The following GPR35 variants were observed in gnomAD, a reference collection of about 807,000 sequenced individuals.
The protein encoded by GPR35 is G protein-coupled receptor 35.
For synonymous variants in GPR35, 207 were observed against 198.4 expected, an observed-to-expected ratio of 1.04 and a Z score of -0.36; for missense variants, 372 against 422.5, an observed-to-expected ratio of 0.88 and a Z score of 1.05.
rs554135578 is a variant in GPR35 at position 240,632,964 on chromosome 2, G to A, written c.*2082G>A. On this transcript the variant is annotated 3_prime_UTR_variant, in exon 2 of 2. Transcript: ENST00000407714. The stretch of plus-strand genomic sequence containing the variant: ...TCATGGGGGCTGTTTCCCACATGCT[G>A]TTCTCATGATAGTGAGTGAGTTCTC... 1.5e-4 allele frequency among the ~76,000 whole-genome samples: 23 copies of A among 152,344 alleles called. 1 individual carries two copies. The highest frequency in any genetic ancestry group is 5.5e-4 in the African/African-American group (23 of 41,576).
chr2:240,625,236 G>C, upstream of GPR35: 29 of 983,940 alleles, frequency 2.9e-5, no homozygotes, highest in Non-Finnish European at 3.4e-5. Context: ...TGTCTCTCAC[G>C]CTGTTTCCAG....
At chr2:240,620,441 G>A (rs1216457252) in intron 5 of GPR35, among the ~76,000 whole-genome samples, 1 of 152,168 alleles carries the variant, frequency 6.6e-6, no homozygotes, top group Non-Finnish European at 1.5e-5. Flanking sequence ...AGGCTCCACT[G>A]TGAGGGTGCC....
At chr2:240,612,531 G>T (rs1260998634) in intron 2 of GPR35, among the ~76,000 whole-genome samples, 1 of 152,064 alleles carries the variant, frequency 6.6e-6, no homozygotes. Context: ...TGGGCTCTAG[G>T]GACATGGGAG....
At chr2:240,629,683 C>G in intron 1 of GPR35, 1 of 404,042 alleles carries the variant, frequency 2.5e-6, no homozygotes, top group Admixed American at 3.9e-5. Context: ...CTCCTTCTGC[C>G]TCCTTTCCTG....
At chr2:240,614,165 C>A (rs946381399) in intron 2 of GPR35, among the ~76,000 whole-genome samples, 14 of 152,116 alleles carry the variant, frequency 9.2e-5, no homozygotes, top group African/African-American at 3.4e-4. Flanking sequence ...CTAACCCTAA[C>A]TCCAACCCAA....
Position 240,625,513 on chromosome 2 carries a change from C to G in GPR35, c.-60C>G. ...CAGCCCTTCTCAGACAGCCACTGTG[C>G]AGGCTTTGGCAGCGGGGGTCACACA... is the stretch of plus-strand genomic sequence containing the variant. On this transcript the variant is annotated 5_prime_UTR_variant, in exon 1 of 2. Transcript: ENST00000407714. 1 of 985,982 alleles carries G rather than the reference C, an allele frequency of 1.0e-6. No homozygotes were observed. Among genetic ancestry groups the G allele is most frequent in the Non-Finnish European group, 1.2e-6 (1 of 830,344 alleles). 61.1% of individuals were successfully genotyped at this position (985,982 alleles called of 1,614,324 possible).
exon 4 of GPR35, chr2:240,617,284 C>G: frequency 1.4e-6 from 1 of 711,708 alleles, no homozygotes; most frequent in Admixed American, 2.0e-5. Flanking sequence ...ACCTGGATTG[C>G]AGACTCATGA....
At chr2:240,623,338 G>A (rs570554175), upstream of GPR35, among the ~76,000 whole-genome samples, 63 of 144,648 alleles carry the variant, frequency 4.4e-4, no homozygotes, top group Non-Finnish European at 7.6e-4. Flanking sequence ...GCGCAAACAG[G>A]TCGTGAGGGC....
At chr2:240,623,383 G>A (rs1475786027), upstream of GPR35, among the ~76,000 whole-genome samples, 3 of 120,984 alleles carry the variant, frequency 2.5e-5, no homozygotes, top group Non-Finnish European at 3.7e-5. Flanking sequence ...CAGGTCGTGA[G>A]GGCGCAAACA....
chr2:240,613,587 A>G (rs2043207158), intron 2 of GPR35, among the ~76,000 whole-genome samples: 1 of 152,046 alleles, frequency 6.6e-6, no homozygotes. Flanking sequence ...CCATAACCCT[A>G]AAATTCAGGC....
chr2:240,623,386 C>CAAACAGGTCATGAGGGT (rs2043325825), upstream of GPR35, among the ~76,000 whole-genome samples: 2 of 60,730 alleles, frequency 3.3e-5, no homozygotes, highest in Non-Finnish European at 8.0e-5. Context: ...GTCGTGAGGG[C>CAAACAGGTCATGAGGGT]GCAAACAGGT....
At chr2:240,626,852 G>A (rs1393995121) in intron 1 of GPR35, among the ~76,000 whole-genome samples, 1 of 152,184 alleles carries the variant, frequency 6.6e-6, no homozygotes, top group Admixed American at 6.5e-5. Context: ...GGCGGGTCCC[G>A]GGTCCAGACA....
rs147585101 is a variant in GPR35 at position 240,629,993 on chromosome 2, C to G, written c.41C>G (p.Thr14Ser). 5.6e-6 allele frequency: 9 copies of G among 1,611,092 alleles called. No individual in the cohort carries two copies. The African/African-American group carries it at 9.3e-5, about 17-fold the overall frequency. The change falls in exon 2 of 2, where the codon ACC becomes AGC. Residue 14 changes from threonine to serine, a missense_variant. Physicochemically the swap from Thr to Ser is moderately conservative, Grantham distance 58. Transcript: ENST00000407714. ...TYNTCGSSDL[T>S]WPPAIKLGFY... ...AACACCTGTGGCTCCAGCGACCTCA[C>G]CTGGCCCCCAGCGATCAAGCTGGGC...
intron 1 of GPR35, among the ~76,000 whole-genome samples, chr2:240,605,942 A>G (rs1017071389): frequency 6.6e-6 from 1 of 152,098 alleles, no homozygotes; most frequent in Non-Finnish European, 1.5e-5. Flanking sequence ...TTTGGAGGAA[A>G]GGCTTTGGCA....
chr2:240,609,617 TTAATTTATGGCC>T (rs1406665926), intron 2 of GPR35, among the ~76,000 whole-genome samples: 1 of 152,220 alleles, frequency 6.6e-6, no homozygotes, highest in East Asian at 1.9e-4. Context: ...TTATGGAGGC[TTAATTTATGGCC>T]TAGCAGATGG....
chr2:240,611,548 T>C (rs929423478), intron 2 of GPR35, among the ~76,000 whole-genome samples: 1 of 152,138 alleles, frequency 6.6e-6, no homozygotes, highest in African/African-American at 2.4e-5. Flanking sequence ...ATTGATTGGA[T>C]GTAGGAGGAA....
exon 5 of GPR35, chr2:240,618,953 G>A (rs946183820): frequency 2.8e-6 from 2 of 702,758 alleles, no homozygotes; most frequent in South Asian, 1.5e-5. Context: ...ATGCTGAGTG[G>A]TTCCCGGGCT....
At chr2:240,626,830 C>G (rs2125487258) in intron 1 of GPR35, among the ~76,000 whole-genome samples, 1 of 152,264 alleles carries the variant, frequency 6.6e-6, no homozygotes, top group African/African-American at 2.4e-5. Context: ...CAGCCAGGCA[C>G]TCTGGGGTCT....
intron 2 of GPR35, among the ~76,000 whole-genome samples, chr2:240,611,153 G>A (rs999817955): frequency 6.6e-6 from 1 of 151,870 alleles, no homozygotes; most frequent in African/African-American, 2.4e-5. Context: ...TTTTAGTAGA[G>A]ATGGGGATTT....
Sources: allele counts gnomAD v4.1 joint callset (sites outside exome capture counted in the v4.1 genomes callset), GRCh38; gene constraint gnomAD v4.1.1; transcripts MANE v1.5; gene names NCBI Gene and HGNC (gene_info 2026-07-23, HGNC 2026-07-21).